WNK2: variants seen among roughly 807,000 people sequenced by gnomAD.
The protein encoded by WNK2 is serine/threonine-protein kinase WNK2.
WNK2 carries 67 observed loss-of-function variants against 192.1 expected under a neutral mutation model. The ratio of observed to expected loss-of-function variants is 0.35; its 90% CI spans 0.29 to 0.43. WNK2 has a LOEUF of 0.43. WNK2 is among the 20% of genes least tolerant of loss of function. The pLI is 1.00. For synonymous variants in WNK2, 1,439 were observed against 1,393.9 expected, an observed-to-expected ratio of 1.03 and a Z score of -0.72; for missense variants, 2,698 against 3,089.7, an observed-to-expected ratio of 0.87 and a Z score of 3.01.
chr9:93,317,960 C>T (rs567031988), intron 29 of WNK2: 41 of 1,612,406 alleles, frequency 2.5e-5, no homozygotes, highest in East Asian at 4.5e-5. Flanking sequence ...AGCACTCAGC[C>T]GCGAGGGGGA....
intron 5 of WNK2, 67 bp from the exon 6 acceptor site, chr9:93,238,166 C>G: frequency 1.4e-6 from 2 of 1,441,978 alleles, no homozygotes; most frequent in Non-Finnish European, 1.9e-6. Flanking sequence ...GAGTTCCTCC[C>G]ACTGTGGTGG....
intron 17 of WNK2, 50 bp from the exon 18 acceptor site, chr9:93,267,970 G>A (rs749620419): frequency 6.2e-7 from 1 of 1,606,974 alleles, no homozygotes; most frequent in South Asian, 1.1e-5. Context: ...GGCTGGGCAG[G>A]TGGGCGCTGC....
chr9:93,208,404 C>A (rs1353984972), intron 2 of WNK2, among the ~76,000 whole-genome samples: 1 of 152,198 alleles, frequency 6.6e-6, no homozygotes, highest in Non-Finnish European at 1.5e-5. Flanking sequence ...GTGTGTCCTG[C>A]CATTTGGCTG....
rs373415838 is a variant in WNK2, at chr9:93,298,078, G to A, written c.5923+11G>A. On this transcript the variant is annotated intron_variant, in intron 24 of 29. Transcript: ENST00000427277. ...TGGCCTCCAGCACAGGTCGGCCTCC[G>A]GGTGCAGGGCTGGGATGGGAGCGGG... The A allele has an allele frequency of 2.6e-6, 4 of 1,548,428 alleles. No individual in the cohort carries two copies. The highest frequency in any genetic ancestry group is 4.9e-5 in the East Asian group (2 of 40,914).
chr9:93,229,808 C>A lies in WNK2; in HGVS notation c.794C>A (p.Ala265Asp). The change falls in exon 3 of 30, where the codon GCC becomes GAC. Residue 265 changes from alanine to aspartate, a missense_variant. Around this residue, in one of 7 missense-constraint regions of WNK2, gnomAD observed 230 missense variants for 501.1 expected, o/e 0.46. Coordinates refer to ENST00000427277, the MANE Select transcript of WNK2 (RefSeq NM_006648.4). This position sits in a 1 kb window ranked among gnomAD's most constrained non-coding sequence, Gnocchi z 4.9. ...VRFYDFWESSAKGKRCIVLVT... is the reference protein window; with the variant it reads ...VRFYDFWESSDKGKRCIVLVT... Reference sequence around the variant, plus strand: ...TTCTACGACTTCTGGGAGTCCAGCGCCAAGGGCAAGCGGTGCATTGTGCTG... The same window carrying A: ...TTCTACGACTTCTGGGAGTCCAGCGACAAGGGCAAGCGGTGCATTGTGCTG... 2 of 1,613,952 alleles carry A rather than the reference C, an allele frequency of 1.2e-6. No homozygotes were observed. Among genetic ancestry groups the A allele is most frequent in the Non-Finnish European group, 1.7e-6 (2 of 1,179,884 alleles).
At chr9:93,253,566 C>G (rs914475831) in intron 9 of WNK2, among the ~76,000 whole-genome samples, 4 of 152,126 alleles carry the variant, frequency 2.6e-5, no homozygotes, top group African/African-American at 4.8e-5. Flanking sequence ...ACCTGAGATT[C>G]GATCTAGCTG....
intron 2 of WNK2, among the ~76,000 whole-genome samples, chr9:93,214,136 C>T (rs1335234404): frequency 2.0e-5 from 3 of 152,062 alleles, no homozygotes; most frequent in Non-Finnish European, 4.4e-5. Flanking sequence ...TTTCCCTTTA[C>T]CTGAAGTTTT....
chr9:93,202,346 G>C (rs1227532002), intron 2 of WNK2, among the ~76,000 whole-genome samples: 1 of 145,640 alleles, frequency 6.9e-6, no homozygotes, highest in African/African-American at 2.5e-5. Context: ...GTGTGTGTGT[G>C]TGTGTGTGTG....
chr9:93,265,885 C>G (rs1443734792), intron 16 of WNK2, among the ~76,000 whole-genome samples: 1 of 152,214 alleles, frequency 6.6e-6, no homozygotes. Flanking sequence ...GTAAGTCCTG[C>G]ACAGTAAGCA....
At chr9:93,269,021 C>T in intron 19 of WNK2, 1 of 1,358,848 alleles carries the variant, frequency 7.4e-7, no homozygotes, top group South Asian at 1.2e-5. Flanking sequence ...TTGAAGAGCT[C>T]CGCTGTCCTT....
Position 93,263,964 on chromosome 9 carries a change from C to CA in WNK2, c.3629dup (p.Asn1210LysfsTer18). On this transcript the variant is annotated frameshift_variant, in exon 16 of 30. Transcript: ENST00000427277. LOFTEE classifies it high-confidence loss of function. ...TGGTGGAGTGCCAGCTGGAGACGCACAACCACAAGATGGTGACCTTCAAGT... is the reference window on the plus strand; with the variant it reads ...TGGTGGAGTGCCAGCTGGAGACGCACAAACCACAAGATGGTGACCTTCAAGT... 1 of 1,613,516 alleles carries CA rather than the reference C, an allele frequency of 6.2e-7. No homozygotes were observed. Among genetic ancestry groups the CA allele is most frequent in the Non-Finnish European group, 8.5e-7 (1 of 1,179,792 alleles).
intron 7 of WNK2, among the ~76,000 whole-genome samples, chr9:93,244,896 C>T (rs2132421788): frequency 6.6e-6 from 1 of 152,288 alleles, no homozygotes; most frequent in Admixed American, 6.5e-5. Flanking sequence ...GGTTTCTCCT[C>T]CTTCCCAGCT....
Position 93,258,912 on chromosome 9 carries a change from A to G in WNK2, c.2383-19A>G. 1 of 1,597,104 alleles carries G rather than the reference A, an allele frequency of 6.3e-7. No individual in the cohort carries two copies. Among genetic ancestry groups the G allele is most frequent in the Non-Finnish European group, 8.5e-7 (1 of 1,169,976 alleles). On this transcript the variant is annotated intron_variant, in intron 11 of 29. Transcript: ENST00000427277. Reference sequence around the variant, plus strand: ...CCCTGGTTGGGGCCCACACTGACACACTCCTGTGTCTCTTTCAGATGCCCC... The same window carrying G: ...CCCTGGTTGGGGCCCACACTGACACGCTCCTGTGTCTCTTTCAGATGCCCC...
chr9:93,230,993 C>T lies in WNK2; in HGVS notation c.960C>T (p.Ile320=). ...LFLHTRTPPI[I]HRDLKCDNIF... is the part of the protein sequence containing the mutation. Reference sequence around the variant, plus strand: ...TGCACACAAGGACGCCACCCATCATCCACCGAGACCTGAAATGTGACAATA... The same window carrying T: ...TGCACACAAGGACGCCACCCATCATTCACCGAGACCTGAAATGTGACAATA... Residue 320 remains isoleucine, a synonymous_variant, in exon 4 of 30, where the codon ATC becomes ATT. Transcript: ENST00000427277. 2 of 1,613,980 alleles carry T rather than the reference C, an allele frequency of 1.2e-6. No homozygotes were observed. The highest frequency in any genetic ancestry group is 1.7e-6 in the Non-Finnish European group (2 of 1,179,882).
chr9:93,317,669 G>T (rs34038932), intron 29 of WNK2, 38 bp downstream of exon 29: 6 of 1,593,148 alleles, frequency 3.8e-6, no homozygotes, highest in Non-Finnish European at 5.1e-6. Flanking sequence ...CACCCTGTGC[G>T]CTGCCTCTGG....
chr9:93,230,675 G>A (rs936682626), intron 3 of WNK2, among the ~76,000 whole-genome samples: 1 of 152,276 alleles, frequency 6.6e-6, no homozygotes, highest in Non-Finnish European at 1.5e-5. Flanking sequence ...GGGAGCAAGA[G>A]GGTTGTGAGC....
At chr9:93,268,267 G>T (rs918355946) in intron 18 of WNK2, among the ~76,000 whole-genome samples, 9 of 152,158 alleles carry the variant, frequency 5.9e-5, no homozygotes, top group Non-Finnish European at 1.0e-4. Flanking sequence ...GGTGCCTTGG[G>T]CATCCCAGGA....
intron 7 of WNK2, among the ~76,000 whole-genome samples, chr9:93,243,055 T>C (rs1396660869): frequency 6.6e-6 from 1 of 152,114 alleles, no homozygotes; most frequent in African/African-American, 2.4e-5. Context: ...ATCAGAGCCC[T>C]CTCAGCACTG....
intron 2 of WNK2, among the ~76,000 whole-genome samples, chr9:93,208,546 C>T (rs1833813494): frequency 6.7e-6 from 1 of 149,924 alleles, no homozygotes. Flanking sequence ...TGTGCATGTG[C>T]TGTGTGCACG....
Sources: allele counts gnomAD v4.1 joint callset (sites outside exome capture counted in the v4.1 genomes callset), GRCh38; gene constraint gnomAD v4.1.1; regional missense constraint gnomAD v4.1.1; non-coding constraint Gnocchi (gnomAD v3.1); transcripts MANE v1.5; gene names NCBI Gene and HGNC (gene_info 2026-07-23, HGNC 2026-07-21).